Variants in KCNIP1 observed in about 807,000 individuals in gnomAD.
The protein encoded by KCNIP1 is A-type potassium channel modulatory protein KCNIP1.
A neutral mutation model predicts 33.0 loss-of-function variants in KCNIP1; 18 were observed. That is an observed-to-expected ratio of 0.55 (90% CI 0.38 to 0.81). The LOEUF (loss-of-function observed/expected upper bound fraction) is 0.81, where lower values mean the gene tolerates loss of function less well. Ranked by LOEUF, KCNIP1 falls within the 30% of genes least tolerant of loss-of-function variation. KCNIP1 has a pLI of 0.00. For missense variants in KCNIP1, 238 were observed against 271.6 expected (o/e 0.88, Z 0.87); for synonymous variants, 93 against 98.3 (o/e 0.95, Z 0.32).
intron 1 of KCNIP1, among the ~76,000 whole-genome samples, chr5:170,634,585 G>C (rs752738544): frequency 2.6e-5 from 4 of 152,174 alleles, no homozygotes; most frequent in Admixed American, 2.0e-4. Context: ...TCCACAAAAC[G>C]ACATGAGCTC....
chr5:170,563,368 CG>C (rs1561688783), intron 1 of KCNIP1, among the ~76,000 whole-genome samples: 1 of 152,152 alleles, frequency 6.6e-6, no homozygotes, highest in Non-Finnish European at 1.5e-5. Flanking sequence ...CTGCTGGACT[CG>C]GGCCCACAAT....
chr5:170,656,010 C>G (rs541181239), intron 1 of KCNIP1, among the ~76,000 whole-genome samples: 1 of 152,340 alleles, frequency 6.6e-6, no homozygotes, highest in South Asian at 2.1e-4. Context: ...ACAAAACAGG[C>G]TGGGTACTGA....
chr5:170,466,944 T>A (rs2113122836), intron 1 of KCNIP1, among the ~76,000 whole-genome samples: 1 of 152,284 alleles, frequency 6.6e-6, no homozygotes, highest in South Asian at 2.1e-4. Flanking sequence ...GATGATTTCA[T>A]GGAAGGCAAG....
intron 1 of KCNIP1, among the ~76,000 whole-genome samples, chr5:170,513,076 G>A (rs936799788): frequency 1.3e-5 from 2 of 151,656 alleles, no homozygotes; most frequent in Admixed American, 6.6e-5. Flanking sequence ...CCTCAACTCA[G>A]TGAGACCTAC....
At chr5:170,659,622 T>G (rs1281750533) in intron 1 of KCNIP1, among the ~76,000 whole-genome samples, 1 of 152,200 alleles carries the variant, frequency 6.6e-6, no homozygotes, top group Admixed American at 6.5e-5. Context: ...ATCTTGCAGA[T>G]CCAAAATCTT....
At chr5:170,519,223 T>C (rs1755265790) in intron 1 of KCNIP1, among the ~76,000 whole-genome samples, 1 of 152,184 alleles carries the variant, frequency 6.6e-6, no homozygotes, top group Non-Finnish European at 1.5e-5. Context: ...TCAATAATGA[T>C]AGACTAGAGA....
intron 1 of KCNIP1, chr5:170,378,695 T>C (rs767848017): frequency 2.9e-5 from 47 of 1,602,098 alleles, no homozygotes; most frequent in African/African-American, 8.0e-5. Flanking sequence ...ATGGCATGGA[T>C]GGATGGCTCT....
intron 1 of KCNIP1, among the ~76,000 whole-genome samples, chr5:170,569,467 T>A (rs1581338681): frequency 6.6e-6 from 1 of 152,364 alleles, no homozygotes; most frequent in East Asian, 1.9e-4. Context: ...ATCAGAGTTA[T>A]TTGAATAATC....
At chr5:170,667,172 C>T (rs755149094) in intron 1 of KCNIP1, among the ~76,000 whole-genome samples, 19 of 151,976 alleles carry the variant, frequency 1.3e-4, no homozygotes, top group South Asian at 2.1e-4. Context: ...ATAAGCTGGG[C>T]GGGGTGGCAG....
rs141253244 is a variant in KCNIP1 at position 170,518,083 on chromosome 5, G to A, written c.61+13450G>A. 3.3e-3 allele frequency among the ~76,000 whole-genome samples: 496 copies of A among 150,958 alleles called. 3 individuals carry two copies. Among genetic ancestry groups the A allele is most frequent in the African/African-American group, 0.012 (464 of 40,318 alleles). On this transcript the variant is annotated intron_variant, in intron 1 of 7. Transcript: ENST00000328939. ...TCATAATGATAGTGATGGTGGTGGTGTGGTGGTAGTGATAGTTGTGATGAA... is the reference window on the plus strand; with the variant it reads ...TCATAATGATAGTGATGGTGGTGGTATGGTGGTAGTGATAGTTGTGATGAA...
At chr5:170,388,344 G>A (rs1322975915) in intron 1 of KCNIP1, among the ~76,000 whole-genome samples, 2 of 152,198 alleles carry the variant, frequency 1.3e-5, no homozygotes, top group Non-Finnish European at 2.9e-5. Context: ...AGCATCCAAA[G>A]GGAGAACCTT....
chr5:170,469,768 C>G (rs747530503), intron 1 of KCNIP1, among the ~76,000 whole-genome samples: 29 of 152,336 alleles, frequency 1.9e-4, no homozygotes, highest in Non-Finnish European at 3.5e-4. Context: ...GTATCTGGGT[C>G]TATTTCTGGC....
chr5:170,557,576 T>A (rs892062479), intron 1 of KCNIP1, among the ~76,000 whole-genome samples: 1 of 151,214 alleles, frequency 6.6e-6, no homozygotes, highest in Non-Finnish European at 1.5e-5. Context: ...AGACAAACAG[T>A]TAGAGGATGG....
intron 1 of KCNIP1, among the ~76,000 whole-genome samples, chr5:170,405,150 CA>C (rs1376551931): frequency 6.6e-6 from 1 of 151,386 alleles, no homozygotes; most frequent in East Asian, 1.9e-4. Flanking sequence ...AATTGCCCTG[CA>C]AAATTATGCT....
chr5:170,585,402 A>G (rs764239573), intron 1 of KCNIP1, among the ~76,000 whole-genome samples: 4 of 152,134 alleles, frequency 2.6e-5, no homozygotes, highest in Admixed American at 6.5e-5. Context: ...AGAACTTACC[A>G]TGTTGCTTGT....
At chr5:170,427,298 G>A (rs1187240667) in intron 1 of KCNIP1, among the ~76,000 whole-genome samples, 2 of 152,258 alleles carry the variant, frequency 1.3e-5, no homozygotes, top group African/African-American at 2.4e-5. Context: ...GGCCTCCAAC[G>A]ACCAGGAGAG....
intron 1 of KCNIP1, among the ~76,000 whole-genome samples, chr5:170,570,061 C>T (rs1462162089): frequency 6.6e-6 from 1 of 152,172 alleles, no homozygotes; most frequent in Non-Finnish European, 1.5e-5. Flanking sequence ...GTTTCTGCTC[C>T]GATGCTCTAC....
chr5:170,465,432 G>A (rs1756587869), intron 1 of KCNIP1, among the ~76,000 whole-genome samples: 1 of 152,166 alleles, frequency 6.6e-6, no homozygotes, highest in Admixed American at 6.6e-5. Flanking sequence ...TCAAAGAAAT[G>A]TCTTCATCCA....
At chr5:170,577,665 C>G (rs977651678) in intron 1 of KCNIP1, among the ~76,000 whole-genome samples, 7 of 152,186 alleles carry the variant, frequency 4.6e-5, no homozygotes, top group Non-Finnish European at 1.0e-4. Context: ...TTTTCGGAGA[C>G]AGCGTGTGAA....
Sources: gnomAD v4.1 joint callset for allele counts (sites outside exome capture counted in the v4.1 genomes callset) on GRCh38, gnomAD v4.1.1 for gene constraint, MANE v1.5 for transcripts, NCBI Gene and HGNC (gene_info 2026-07-23, HGNC 2026-07-21) for gene names.